The following KMT2E variants were observed in gnomAD, a reference collection of about 807,000 sequenced individuals.
KMT2E encodes histone reader KMT2E.
In KMT2E, 30 loss-of-function variants were observed where a neutral mutation model predicts 184.6. The observed-to-expected ratio is 0.16, with a 90% confidence interval of 0.12 to 0.22. The LOEUF (loss-of-function observed/expected upper bound fraction) is 0.22. Among genes scored for constraint, KMT2E ranks in the 10% least tolerant of loss-of-function variants. The pLI is 1.00. For synonymous variants in KMT2E, 815 were observed against 776.5 expected, an observed-to-expected ratio of 1.05 and a Z score of -0.82; for missense variants, 2,023 against 2,237.4, an observed-to-expected ratio of 0.90 and a Z score of 1.93.
Position 105,112,420 on chromosome 7 carries a change from C to G in KMT2E, c.4664C>G (p.Ser1555Cys), listed in dbSNP as rs766452377. 6.2e-7 allele frequency: 1 copy of G among 1,613,538 alleles called. No homozygotes were observed. Among genetic ancestry groups the G allele is most frequent in the South Asian group, 1.1e-5 (1 of 91,078 alleles). The change falls in exon 27 of 27, where the codon TCT (serine) becomes TGT (cysteine). Residue 1555 changes from serine (S) to cysteine (C), a missense_variant. Coordinates refer to ENST00000311117, the MANE Select transcript of KMT2E (RefSeq NM_182931.3). ...PPPPPPPPSS[S>C]YYQNQQPSAN... ...CCACCTCCTCCACCTCCTTCTTCGT[C>G]TTACTATCAAAACCAGCAGCCCTCT...
At chr7:105,067,826 G>A (rs1285870381) in intron 6 of KMT2E, among the ~76,000 whole-genome samples, 4 of 152,030 alleles carry the variant, frequency 2.6e-5, no homozygotes, top group Non-Finnish European at 5.9e-5. Context: ...CAGAAGATGA[G>A]CCAGGCGTGG....
intron 22 of KMT2E, chr7:105,108,440 A>T (rs2129569975): frequency 2.8e-6 from 1 of 357,956 alleles, no homozygotes; most frequent in South Asian, 2.2e-5. Context: ...AGATAATTAG[A>T]ATGCCTTATT....
Position 105,112,564 on chromosome 7 carries a change from A to C in KMT2E, c.4808A>C (p.His1603Pro), listed in dbSNP as rs1058034. Reference protein sequence around the residue: ...TTSQQTVPGHHVTPGHFLPSQ... With the variant: ...TTSQQTVPGHPVTPGHFLPSQ... Reference sequence around the variant, plus strand: ...AGCCAGCAAACAGTTCCAGGACACCACGTGACTCCAGGGCATTTTTTGCCC... The same window carrying C: ...AGCCAGCAAACAGTTCCAGGACACCCCGTGACTCCAGGGCATTTTTTGCCC... The change falls in exon 27 of 27, where the codon CAC (histidine) becomes CCC (proline). Residue 1603 changes from histidine to proline, a missense_variant. Coordinates refer to ENST00000311117, the MANE Select transcript of KMT2E (RefSeq NM_182931.3). 1 of 1,613,912 alleles carries C rather than the reference A, an allele frequency of 6.2e-7. No individual in the cohort carries two copies. Among genetic ancestry groups the C allele is most frequent in the African/African-American group, 1.3e-5 (1 of 74,838 alleles).
At chr7:105,093,164 C>A (rs1444385143) in intron 15 of KMT2E, among the ~76,000 whole-genome samples, 1 of 152,174 alleles carries the variant, frequency 6.6e-6, no homozygotes, top group Non-Finnish European at 1.5e-5. Flanking sequence ...CACTGCACTC[C>A]AGCCTAGGTG....
chr7:105,089,698 T>C (rs532829764), intron 13 of KMT2E, among the ~76,000 whole-genome samples: 1 of 152,306 alleles, frequency 6.6e-6, no homozygotes, highest in South Asian at 2.1e-4. Flanking sequence ...TCATTATATA[T>C]ATGCAAACAT....
At chr7:105,045,859 G>A (rs895530733) in intron 3 of KMT2E, among the ~76,000 whole-genome samples, 1 of 152,110 alleles carries the variant, frequency 6.6e-6, no homozygotes, top group Non-Finnish European at 1.5e-5. Flanking sequence ...AACATTTTGA[G>A]GAATCGTCGA....
At chr7:105,082,628 CAG>C (rs1009078914) in intron 13 of KMT2E, among the ~76,000 whole-genome samples, 15 of 151,972 alleles carry the variant, frequency 9.9e-5, no homozygotes, top group African/African-American at 3.6e-4. Flanking sequence ...TCAGGGGTGA[CAG>C]AGGGAGAAGG....
chr7:105,089,934 A>G, intron 13 of KMT2E, 75 bp from the exon 14 acceptor site: 1 of 1,553,826 alleles, frequency 6.4e-7, no homozygotes, highest in Non-Finnish European at 8.7e-7. Context: ...GTGGAGTTGC[A>G]GCTTAAAATG....
chr7:105,104,277 G>A (rs1798796458), intron 17 of KMT2E: 1 of 152,140 alleles, frequency 6.6e-6, no homozygotes, highest in African/African-American at 2.4e-5. Context: ...TATTATGTAT[G>A]TTGTAGATCA....
chr7:105,101,767 T>TTA, intron 16 of KMT2E, 119 bp from the exon 17 acceptor site: 3 of 1,006,164 alleles, frequency 3.0e-6, no homozygotes, highest in Non-Finnish European at 4.3e-6. Flanking sequence ...CTGTTCTTTA[T>TTA]TATATATCAG....
intron 3 of KMT2E, among the ~76,000 whole-genome samples, chr7:105,052,807 C>T (rs193089221): frequency 6.1e-4 from 92 of 151,800 alleles, no homozygotes; most frequent in African/African-American, 2.1e-3. Flanking sequence ...CTCGAACACC[C>T]GACCTCAGGT....
intron 3 of KMT2E, among the ~76,000 whole-genome samples, chr7:105,056,513 G>T (rs1345187547): frequency 6.6e-6 from 1 of 152,114 alleles, no homozygotes; most frequent in Admixed American, 6.5e-5. Flanking sequence ...TATGCATGGG[G>T]TATTGTCTTC....
At chr7:105,085,259 A>G (rs1562917157) in intron 13 of KMT2E, among the ~76,000 whole-genome samples, 2 of 152,238 alleles carry the variant, frequency 1.3e-5, no homozygotes, top group Non-Finnish European at 2.9e-5. Flanking sequence ...ACAATAATAC[A>G]AACACCCAGC....
At chr7:105,015,061 TG>T (rs1794655936) in intron 1 of KMT2E, among the ~76,000 whole-genome samples, 1 of 149,588 alleles carries the variant, frequency 6.7e-6, no homozygotes, top group African/African-American at 2.6e-5. Flanking sequence ...TCTCTCTTTG[TG>T]GGAGAGCGAG....
At chr7:105,068,624 G>GGTTTTTTT (rs1797144682) in intron 6 of KMT2E, among the ~76,000 whole-genome samples, 2 of 112,274 alleles carry the variant, frequency 1.8e-5, no homozygotes, top group African/African-American at 8.0e-5. Context: ...ACTAGTTGTG[G>GGTTTTTTT]TTTTTTTTTT....
chr7:105,071,582 GTATA>G (rs1554392567), intron 6 of KMT2E, among the ~76,000 whole-genome samples: 18 of 34,934 alleles, frequency 5.2e-4, no homozygotes, highest in East Asian at 2.2e-3. Context: ...ATGTGTGTGT[GTATA>G]TATATATATA....
intron 13 of KMT2E, among the ~76,000 whole-genome samples, chr7:105,088,899 T>C (rs914776757): frequency 4.2e-4 from 64 of 152,232 alleles, no homozygotes; most frequent in African/African-American, 1.5e-3. Flanking sequence ...TTTATCAAGG[T>C]AGCTTTTTAA....
At chr7:105,087,284 G>GATATAACAT (rs1798020618) in intron 13 of KMT2E, among the ~76,000 whole-genome samples, 1 of 143,874 alleles carries the variant, frequency 7.0e-6, no homozygotes, top group Non-Finnish European at 1.5e-5. Context: ...ATATAAATAT[G>GATATAACAT]ATATAATATA....
intron 7 of KMT2E, 41 bp from the exon 8 acceptor site, chr7:105,074,602 T>C (rs1797453422): frequency 1.5e-6 from 2 of 1,348,268 alleles, no homozygotes; most frequent in Non-Finnish European, 2.0e-6. Context: ...TTGTTTAAAA[T>C]AGAAGTATTA....
Sources: gnomAD v4.1 joint callset for allele counts (sites outside exome capture counted in the v4.1 genomes callset) on GRCh38, gnomAD v4.1.1 for gene constraint, MANE v1.5 for transcripts, NCBI Gene and HGNC (gene_info 2026-07-23, HGNC 2026-07-21) for gene names.